Variants in MEF2C observed in about 807,000 individuals in gnomAD.
The protein encoded by MEF2C is myocyte-specific enhancer factor 2C.
In MEF2C, 6 loss-of-function variants were observed where a neutral mutation model predicts 50.5. The observed-to-expected ratio is 0.12, with a 90% CI of 0.07 to 0.23. MEF2C has a LOEUF of 0.23. Ranked by LOEUF, MEF2C falls within the 10% of genes least tolerant of loss-of-function variation. The pLI, the probability that MEF2C is intolerant of heterozygous loss-of-function variation, is 1.00. For synonymous variants in MEF2C, 183 were observed against 228.0 expected, an observed-to-expected ratio of 0.80 and a Z score of 1.78; for missense variants, 276 against 605.0, an observed-to-expected ratio of 0.46 and a Z score of 5.70.
intron 3 of MEF2C, among the ~76,000 whole-genome samples, chr5:88,803,372 G>A (rs1009920354): frequency 1.3e-5 from 2 of 152,164 alleles, no homozygotes; most frequent in Non-Finnish European, 2.9e-5. Context: ...ACAAAGAAAT[G>A]AGAATTAGTC....
intron 7 of MEF2C, 116 bp downstream of exon 7, chr5:88,731,613 G>C (rs1761680407): frequency 1.0e-6 from 1 of 962,862 alleles, no homozygotes; most frequent in East Asian, 2.6e-5. Context: ...CAATGGCACT[G>C]TTATGTTAAT....
chr5:88,879,678 A>C (rs1414224098), intron 1 of MEF2C, among the ~76,000 whole-genome samples: 1 of 152,138 alleles, frequency 6.6e-6, no homozygotes, highest in African/African-American at 2.4e-5. Flanking sequence ...GTTCATAAAG[A>C]AATGATGGAA....
chr5:88,850,293 A>G (rs779801218), intron 1 of MEF2C, among the ~76,000 whole-genome samples: 2 of 152,196 alleles, frequency 1.3e-5, no homozygotes, highest in African/African-American at 2.4e-5. Flanking sequence ...CATTTTACAT[A>G]TATTAGTTCA....
intron 3 of MEF2C, among the ~76,000 whole-genome samples, chr5:88,789,242 C>G (rs1482014171): frequency 2.0e-5 from 3 of 151,778 alleles, no homozygotes; most frequent in African/African-American, 7.3e-5. Context: ...TCACAGCTCA[C>G]TGGAGCCTCA....
At chr5:88,903,344 TTTTA>T (rs1328922082) in intron 1 of MEF2C, among the ~76,000 whole-genome samples, 12 of 151,558 alleles carry the variant, frequency 7.9e-5, no homozygotes, top group Admixed American at 3.9e-4. Flanking sequence ...TACAATTTAC[TTTTA>T]TTTAATTATT....
At chr5:88,854,401 T>C (rs984494263) in intron 1 of MEF2C, among the ~76,000 whole-genome samples, 1 of 152,212 alleles carries the variant, frequency 6.6e-6, no homozygotes, top group Non-Finnish European at 1.5e-5. Context: ...GCCTACATTT[T>C]ATCAAACTTG....
At chr5:88,830,749 T>A (rs1055530646) in intron 1 of MEF2C, among the ~76,000 whole-genome samples, 1 of 152,070 alleles carries the variant, frequency 6.6e-6, no homozygotes, top group African/African-American at 2.4e-5. Context: ...GCAGCCACCA[T>A]GTTTTCTTTC....
chr5:88,893,144 AAC>A (rs1834767499), intron 1 of MEF2C, among the ~76,000 whole-genome samples: 1 of 152,210 alleles, frequency 6.6e-6, no homozygotes, highest in African/African-American at 2.4e-5. Context: ...TACAGAAAAA[AAC>A]AGACTTAGAG....
chr5:88,817,036 A>G (rs2153182393), intron 2 of MEF2C, among the ~76,000 whole-genome samples: 1 of 152,092 alleles, frequency 6.6e-6, no homozygotes, highest in African/African-American at 2.4e-5. Context: ...GAGGTGGCCA[A>G]AAAAAGTGCA....
chr5:88,743,879 T>C, intron 6 of MEF2C: 1 of 939,418 alleles, frequency 1.1e-6, no homozygotes, highest in Non-Finnish European at 1.3e-6. Flanking sequence ...TTCTTTTTTA[T>C]AAAATTATAT....
chr5:88,897,719 C>G (rs1835260097), intron 1 of MEF2C, among the ~76,000 whole-genome samples: 1 of 152,044 alleles, frequency 6.6e-6, no homozygotes, highest in Non-Finnish European at 1.5e-5. Context: ...TTATAGCAGA[C>G]AATACATTTT....
At chr5:88,735,793 G>C in intron 6 of MEF2C, 1 of 985,340 alleles carries the variant, frequency 1.0e-6, no homozygotes, top group Non-Finnish European at 1.2e-6. Context: ...ACATATTCCT[G>C]GCTTAAGATA....
intron 1 of MEF2C, among the ~76,000 whole-genome samples, chr5:88,845,146 GT>G (rs2153354403): frequency 6.6e-6 from 1 of 152,312 alleles, no homozygotes; most frequent in Non-Finnish European, 1.5e-5. Context: ...TGAACTGCAT[GT>G]AAAAGTTGAA....
intron 1 of MEF2C, among the ~76,000 whole-genome samples, chr5:88,881,919 A>G (rs996807319): frequency 6.6e-5 from 10 of 152,208 alleles, no homozygotes; most frequent in Non-Finnish European, 1.5e-4. Flanking sequence ...CAGAGAGCCC[A>G]ATTCTACTTA....
intron 6 of MEF2C, chr5:88,734,571 T>TGTG (rs1763201662): frequency 2.1e-6 from 1 of 475,136 alleles, no homozygotes; most frequent in African/African-American, 3.5e-5. Flanking sequence ...GTTTGTTTTT[T>TGTG]TTTTTTTTTT....
upstream of MEF2C, among the ~76,000 whole-genome samples, chr5:88,885,656 A>G (rs984698677): frequency 4.6e-5 from 7 of 152,242 alleles, no homozygotes; most frequent in African/African-American, 1.7e-4. Flanking sequence ...GAATACTAAG[A>G]TATGTCTATA....
intron 1 of MEF2C, among the ~76,000 whole-genome samples, chr5:88,869,263 A>G (rs1029749117): frequency 4.1e-5 from 3 of 73,112 alleles, no homozygotes; most frequent in South Asian, 4.2e-4. Context: ...ATATATATAT[A>G]TATATATATA....
intron 9 of MEF2C, 42 bp downstream of exon 9, chr5:88,729,176 A>T (rs1429983883): frequency 1.9e-6 from 3 of 1,608,580 alleles, no homozygotes; most frequent in Non-Finnish European, 2.5e-6. Flanking sequence ...TTTTCAATAA[A>T]AAGTATTTAG....
In MEF2C at chr5:88,742,409, T is replaced by C; in HGVS notation, c.637+6661A>G. On this transcript the variant is annotated intron_variant, in intron 6 of 10. Transcript: ENST00000504921. ...AAATATTAACGGCTTGAATTTAATA[T>C]TAAAAACAACCAAGGTTTTCTTATC... is the stretch of plus-strand genomic sequence containing the variant. 4 of 984,380 alleles carry C rather than the reference T, an allele frequency of 4.1e-6. No homozygotes were observed. The South Asian group carries it at 1.4e-4, about 35-fold the overall frequency. The allele number at this position is 984,380 out of a possible 1,614,324, so 61.0% of individuals were successfully genotyped here.
Sources: allele counts gnomAD v4.1 joint callset (sites outside exome capture counted in the v4.1 genomes callset), GRCh38; gene constraint gnomAD v4.1.1; transcripts MANE v1.5; gene names NCBI Gene and HGNC (gene_info 2026-07-23, HGNC 2026-07-21).